The following RIDA variants were observed in gnomAD, a reference collection of about 807,000 sequenced individuals.
RIDA encodes the protein reactive intermediate imine deaminase A.
In RIDA, 17 loss-of-function variants were observed where a neutral mutation model predicts 17.8. The ratio of observed to expected loss-of-function variants is 0.96; its 90% confidence interval spans 0.65 to 1.43. The LOEUF is 1.43. Ranked by LOEUF, RIDA falls within the 40% of genes most tolerant of loss-of-function variation. RIDA has a pLI of 0.00. For missense variants in RIDA, 158 were observed against 161.7 expected (o/e 0.98, Z 0.12); for synonymous variants, 48 against 55.7 (o/e 0.86, Z 0.62).
chr8:98,108,574 G>T, intron 2 of RIDA, 72 bp downstream of exon 2: 1 of 931,944 alleles, frequency 1.1e-6, no homozygotes, highest in Non-Finnish European at 1.8e-6. Flanking sequence ...AATCAGGCAA[G>T]TGGATTCTTA....
chr8:98,104,575 AGAG>A, intron 4 of RIDA, 31 bp from the exon 5 acceptor site: 1 of 1,267,298 alleles, frequency 7.9e-7, no homozygotes, highest in Non-Finnish European at 1.1e-6. Context: ...TTTTTTTAAT[AGAG>A]AAGAGTTGAA....
chr8:98,105,941 G>T lies in RIDA; in HGVS notation c.292C>A (p.Gln98Lys). 6.3e-7 allele frequency: 1 copy of T among 1,594,620 alleles called. No individual in the cohort carries two copies. The highest frequency in any genetic ancestry group is 8.6e-7 in the Non-Finnish European group (1 of 1,162,754). Residue 98 changes from glutamine to lysine, a missense_variant, in exon 4 of 6, where the codon CAG (glutamine) becomes AAG (lysine). Coordinates refer to ENST00000254878, the MANE Select transcript of RIDA (RefSeq NM_005836.3). ...GGAATAAAGCCAAATTACTTACACT[G>T]TTTGTAGATTTCATTGACAGTATTG... ...DFNTVNEIYKQYFKSNFPARA... is the reference protein window; with the variant it reads ...DFNTVNEIYKKYFKSNFPARA...
Position 98,102,609 on chromosome 8 carries a change from C to T in RIDA, c.*233G>A. The T allele has an allele frequency of 8.5e-6, 3 of 354,394 alleles. No individual in the cohort carries two copies. The highest frequency in any genetic ancestry group is 1.5e-5 in the Non-Finnish European group (3 of 196,164). The allele number at this position is 354,394 out of a possible 1,614,324, so 22.0% of individuals were successfully genotyped here. A position where few individuals can be genotyped will look rare whatever the true frequency, so the allele number is the denominator to read the frequency against. On this transcript the variant is annotated 3_prime_UTR_variant, in exon 6 of 6. Coordinates refer to ENST00000254878, the MANE Select transcript of RIDA (RefSeq NM_005836.3). ...TAACTATGTAATGGGTATCTCTTTC[C>T]TATATTCAGTAATACAGGTGCACAC...
At chr8:98,111,224 T>C (rs1815721963) in intron 1 of RIDA, among the ~76,000 whole-genome samples, 1 of 152,244 alleles carries the variant, frequency 6.6e-6, no homozygotes, top group Non-Finnish European at 1.5e-5. Context: ...AGTCTACTTT[T>C]TATAGGAATG....
Position 98,102,639 on chromosome 8 carries a change from G to A in RIDA, c.*203C>T, listed in dbSNP as rs1376009110. 6 of 446,372 alleles carry A rather than the reference G, an allele frequency of 1.3e-5. No individual in the cohort carries two copies. The highest frequency in any genetic ancestry group is 2.4e-5 in the Non-Finnish European group (6 of 250,262). The allele number at this position is 446,372 out of a possible 1,614,324, so 27.7% of individuals were successfully genotyped here. A position where few individuals can be genotyped will look rare whatever the true frequency, so the allele number is the denominator to read the frequency against. Reference sequence around the variant, plus strand: ...TTCAGTAATACAGGTGCACACAGGTGTAATTTAAAAAAGTAACTGGATTCC... The same window carrying A: ...TTCAGTAATACAGGTGCACACAGGTATAATTTAAAAAAGTAACTGGATTCC... On this transcript the variant is annotated 3_prime_UTR_variant, in exon 6 of 6. Transcript: ENST00000254878.
chr8:98,106,174 A>G (rs1354266052), intron 3 of RIDA, 98 bp downstream of exon 3: 4 of 1,252,004 alleles, frequency 3.2e-6, no homozygotes, highest in South Asian at 1.2e-5. Flanking sequence ...TTAAATAGCA[A>G]CAAAGATATG....
intron 1 of RIDA, among the ~76,000 whole-genome samples, chr8:98,110,717 G>A (rs568269854): frequency 6.6e-6 from 1 of 152,236 alleles, no homozygotes; most frequent in African/African-American, 2.4e-5. Context: ...ACTTTTGAGG[G>A]TCCACTTCTG....
chr8:98,112,222 A>ACACACACACACG (rs1424502988), intron 1 of RIDA, among the ~76,000 whole-genome samples: 99 of 151,662 alleles, frequency 6.5e-4, no homozygotes, highest in African/African-American at 2.3e-3. Flanking sequence ...ACACACACAC[A>ACACACACACACG]CTTTCTCTAA....
chr8:98,114,358 C>T (rs1371173731), intron 1 of RIDA, among the ~76,000 whole-genome samples: 1 of 150,244 alleles, frequency 6.7e-6, no homozygotes, highest in African/African-American at 2.4e-5. Context: ...CAGAGTCTCG[C>T]TCTGTAGCCC....
At chr8:98,104,082 C>CTTTT (rs539041035) in intron 5 of RIDA, among the ~76,000 whole-genome samples, 1 of 127,980 alleles carries the variant, frequency 7.8e-6, no homozygotes, top group Non-Finnish European at 1.7e-5. Context: ...TATTTCTTTT[C>CTTTT]TTTTTTTTTT....
intron 1 of RIDA, among the ~76,000 whole-genome samples, chr8:98,114,233 A>G (rs1438450007): frequency 6.6e-6 from 1 of 152,204 alleles, no homozygotes; most frequent in African/African-American, 2.4e-5. Context: ...ACAAGAAAAA[A>G]ACCACATTTA....
At chr8:98,109,936 C>A (rs1485749942) in intron 1 of RIDA, among the ~76,000 whole-genome samples, 1 of 152,082 alleles carries the variant, frequency 6.6e-6, no homozygotes, top group Non-Finnish European at 1.5e-5. Context: ...AGGCAACTAT[C>A]CAAGAGAAAT....
At chr8:98,110,621 G>A (rs1459614656) in intron 1 of RIDA, among the ~76,000 whole-genome samples, 1 of 152,172 alleles carries the variant, frequency 6.6e-6, no homozygotes, top group African/African-American at 2.4e-5. Flanking sequence ...GCAAAAAAAT[G>A]CAATTTCAAG....
chr8:98,106,531 G>A (rs1018707315), intron 2 of RIDA: 5 of 520,284 alleles, frequency 9.6e-6, no homozygotes, highest in Non-Finnish European at 1.4e-5. Flanking sequence ...GTCTCCTTTT[G>A]TGCGTAAAAA....
intron 1 of RIDA, among the ~76,000 whole-genome samples, chr8:98,113,047 A>G (rs1202742548): frequency 6.6e-6 from 1 of 152,188 alleles, no homozygotes; most frequent in Non-Finnish European, 1.5e-5. Flanking sequence ...TTAAAAGTGC[A>G]CTGTTCTACT....
intron 5 of RIDA, among the ~76,000 whole-genome samples, chr8:98,103,484 G>T (rs1216377960): frequency 2.0e-5 from 3 of 152,142 alleles, no homozygotes; most frequent in Admixed American, 6.6e-5. Flanking sequence ...TGTGCCCCTG[G>T]TTTAGAGATT....
intron 1 of RIDA, among the ~76,000 whole-genome samples, chr8:98,111,975 T>C (rs545588095): frequency 6.6e-6 from 1 of 152,284 alleles, no homozygotes; most frequent in Non-Finnish European, 1.5e-5. Flanking sequence ...AACAAATATA[T>C]ATTTTCTCTC....
intron 5 of RIDA, among the ~76,000 whole-genome samples, chr8:98,103,441 A>G (rs944934942): frequency 1.2e-4 from 19 of 152,228 alleles, no homozygotes; most frequent in African/African-American, 4.3e-4. Flanking sequence ...GCTTTGAGTT[A>G]AAAGTAGCAA....
chr8:98,114,764 T>G (rs779619407), intron 1 of RIDA, among the ~76,000 whole-genome samples: 4 of 152,158 alleles, frequency 2.6e-5, no homozygotes, highest in Non-Finnish European at 4.4e-5. Context: ...GATCATATAA[T>G]TAAAAAGAGG....
Sources: gnomAD v4.1 joint callset for allele counts (sites outside exome capture counted in the v4.1 genomes callset) on GRCh38, gnomAD v4.1.1 for gene constraint, MANE v1.5 for transcripts, NCBI Gene and HGNC (gene_info 2026-07-23, HGNC 2026-07-21) for gene names.